ADAMTS19: variants seen among roughly 807,000 people sequenced by gnomAD.
ADAMTS19 encodes A disintegrin and metalloproteinase with thrombospondin motifs 19.
In ADAMTS19, 93 loss-of-function variants were observed where a neutral mutation model predicts 153.3. The ratio of observed to expected loss-of-function variants is 0.61; its 90% confidence interval spans 0.51 to 0.72. The LOEUF (loss-of-function observed/expected upper bound fraction) is 0.72. Among genes scored for constraint, ADAMTS19 ranks in the 30% least tolerant of loss-of-function variants. The pLI, the probability that ADAMTS19 is intolerant of heterozygous loss-of-function variation, is 0.00. For synonymous variants in ADAMTS19, 600 were observed against 556.6 expected (o/e 1.08, Z -1.10); for missense variants, 1,482 against 1,552.1 (o/e 0.95, Z 0.76).
At chr5:129,516,069 T>C (rs114487986) in intron 3 of ADAMTS19, among the ~76,000 whole-genome samples, 390 of 151,998 alleles carry the variant, frequency 2.6e-3, no homozygotes, top group Non-Finnish European at 4.8e-3. Context: ...TTCATTCTAT[T>C]TATAAGATGT....
chr5:129,732,071 C>A (rs1757464496), intron 21 of ADAMTS19, among the ~76,000 whole-genome samples: 1 of 152,014 alleles, frequency 6.6e-6, no homozygotes, highest in Non-Finnish European at 1.5e-5. Flanking sequence ...ATGTATGAAA[C>A]CAAGAGACTT....
Position 129,648,856 on chromosome 5 carries a change from A to T in ADAMTS19, c.2062A>T (p.Asn688Tyr). The T allele has an allele frequency of 6.2e-7, 1 of 1,613,960 alleles. No homozygotes were observed. The highest frequency in any genetic ancestry group is 8.5e-7 in the Non-Finnish European group (1 of 1,179,942). ...GPRKQYRICE[N>Y]PPCPAGLPGF... ...CAGAAAACAATACAGAATATGTGAG[A>T]ATCCACCTTGTCCTGCAGGTTTGCC... The change falls in exon 13 of 23, where the codon AAT becomes TAT. Residue 688 changes from asparagine to tyrosine, a missense_variant. Coordinates refer to ENST00000274487, the MANE Select transcript of ADAMTS19 (RefSeq NM_133638.6).
At chr5:129,478,284 A>G (rs1750292087) in intron 2 of ADAMTS19, among the ~76,000 whole-genome samples, 1 of 152,206 alleles carries the variant, frequency 6.6e-6, no homozygotes, top group Non-Finnish European at 1.5e-5. Context: ...ATAATAACCT[A>G]GAATTTAGTA....
intron 7 of ADAMTS19, 113 bp from the exon 8 acceptor site, chr5:129,596,446 A>G (rs1331533115): frequency 1.4e-6 from 1 of 724,200 alleles, no homozygotes; most frequent in African/African-American, 1.8e-5. Flanking sequence ...TTCACAGATT[A>G]ATACTGACAT....
At chr5:129,494,736 G>A (rs1221706302) in intron 2 of ADAMTS19, among the ~76,000 whole-genome samples, 4 of 152,030 alleles carry the variant, frequency 2.6e-5, no homozygotes, top group Non-Finnish European at 5.9e-5. Context: ...ATTATCGATG[G>A]CCATATTGAC....
At position 129,622,332 on chromosome 5, in the gene ADAMTS19, T is replaced by C; in HGVS notation, c.1754T>C (p.Phe585Ser). The C allele has an allele frequency of 1.9e-6, 3 of 1,614,050 alleles. No individual in the cohort carries two copies. Among genetic ancestry groups the C allele is most frequent in the Non-Finnish European group, 2.5e-6 (3 of 1,179,974 alleles). ...ATCCTTTTTGGGCCATTGGCTTCTT[T>C]TTGTCAGGAGATGCAGGTAAAGATC... is the stretch of plus-strand genomic sequence containing the variant. ...CQILFGPLAS[F>S]CQEMQHVICT... The change falls in exon 10 of 23, where the codon TTT becomes TCT. Residue 585 changes from phenylalanine (F) to serine (S), a missense_variant. Phe to Ser is a radical substitution (Grantham distance 155). Around this residue, in one of 2 missense-constraint regions of ADAMTS19, gnomAD observed 866 missense variants for 827.7 expected, o/e 1.05. Coordinates refer to ENST00000274487, the MANE Select transcript of ADAMTS19 (RefSeq NM_133638.6).
chr5:129,526,772 T>C lies in ADAMTS19; in HGVS notation c.1086+316T>C, dbSNP rs557072032. 3.3e-5 allele frequency among the ~76,000 whole-genome samples: 5 copies of C among 151,864 alleles called. No individual in the cohort carries two copies. In the East Asian group the frequency reaches 9.6e-4, roughly 29 times the overall value. ...TTCTAGCCCCATTTTATGTATGTAT[T>C]TATGTCTGTCTGTATGTATGCATGT... On this transcript the variant is annotated intron_variant, in intron 4 of 22. Transcript: ENST00000274487.
At chr5:129,534,110 T>C (rs1752317415) in intron 6 of ADAMTS19, among the ~76,000 whole-genome samples, 1 of 152,152 alleles carries the variant, frequency 6.6e-6, no homozygotes, top group Non-Finnish European at 1.5e-5. Flanking sequence ...GTCTATTAGG[T>C]CTGCTTGGTA....
chr5:129,567,779 C>G (rs76898308), intron 7 of ADAMTS19, among the ~76,000 whole-genome samples: 1 of 151,888 alleles, frequency 6.6e-6, no homozygotes, highest in Non-Finnish European at 1.5e-5. Context: ...GAAGACTTCT[C>G]ACATTTGGAA....
chr5:129,598,115 G>A (rs1246037309), intron 8 of ADAMTS19, among the ~76,000 whole-genome samples: 1 of 152,062 alleles, frequency 6.6e-6, no homozygotes, highest in Non-Finnish European at 1.5e-5. Context: ...GGCCTTCAGT[G>A]TTTAAAAAAT....
chr5:129,691,619 TA>T (rs1755341561), intron 18 of ADAMTS19, among the ~76,000 whole-genome samples: 1 of 152,204 alleles, frequency 6.6e-6, no homozygotes, highest in Non-Finnish European at 1.5e-5. Context: ...AGTTTTTTTC[TA>T]ATTCTATTGT....
intron 21 of ADAMTS19, among the ~76,000 whole-genome samples, chr5:129,724,024 G>A (rs1397919167): frequency 6.6e-6 from 1 of 152,196 alleles, no homozygotes; most frequent in African/African-American, 2.4e-5. Flanking sequence ...AGGGGTTGCG[G>A]AGACCACTGT....
At chr5:129,482,616 A>G (rs577908970) in intron 2 of ADAMTS19, among the ~76,000 whole-genome samples, 1 of 152,354 alleles carries the variant, frequency 6.6e-6, no homozygotes, top group African/African-American at 2.4e-5. Flanking sequence ...ATGAGTTATC[A>G]TACATGTTTG....
chr5:129,561,234 TA>T (rs922045713), intron 7 of ADAMTS19, among the ~76,000 whole-genome samples: 13 of 152,222 alleles, frequency 8.5e-5, no homozygotes, highest in African/African-American at 2.9e-4. Context: ...ATTTCATATC[TA>T]CTTCTGCATG....
chr5:129,493,431 G>A (rs1750832787), intron 2 of ADAMTS19, among the ~76,000 whole-genome samples: 2 of 123,472 alleles, frequency 1.6e-5, no homozygotes, highest in African/African-American at 7.5e-5. Flanking sequence ...TATACCAAAT[G>A]TTTTCTCAAT....
At chr5:129,700,793 G>T (rs1369696457) in intron 19 of ADAMTS19, among the ~76,000 whole-genome samples, 1 of 151,940 alleles carries the variant, frequency 6.6e-6, no homozygotes, top group Non-Finnish European at 1.5e-5. Context: ...CATGGAAAAA[G>T]TCTGATGGAC....
intron 2 of ADAMTS19, among the ~76,000 whole-genome samples, chr5:129,508,499 C>T (rs186275283): frequency 1.3e-5 from 2 of 152,094 alleles, no homozygotes; most frequent in Admixed American, 1.3e-4. Flanking sequence ...ACTTTTAAAA[C>T]ATGTCACTAT....
Position 129,677,439 on chromosome 5 carries a change from T to C in ADAMTS19, c.2507-2325T>C, listed in dbSNP as rs1754599440. Among the ~76,000 whole-genome samples, 2 of 151,502 alleles carry C rather than the reference T, an allele frequency of 1.3e-5. 1 individual carries two copies. The highest frequency in any genetic ancestry group is 1.3e-4 in the Admixed American group (2 of 15,196). On this transcript the variant is annotated intron_variant, in intron 16 of 22. Coordinates refer to ENST00000274487, the MANE Select transcript of ADAMTS19 (RefSeq NM_133638.6). ...TTGCAGTGAGCTGAGATCGGGCCAC[T>C]GCACTCCAGCCTGGGTGACAGAGTG...
chr5:129,716,970 A>G (rs1190080996), intron 21 of ADAMTS19, among the ~76,000 whole-genome samples: 1 of 152,218 alleles, frequency 6.6e-6, no homozygotes, highest in Non-Finnish European at 1.5e-5. Flanking sequence ...ACGCCTGAGC[A>G]GTTTTTACTT....
Sources: gnomAD v4.1 joint callset for allele counts (sites outside exome capture counted in the v4.1 genomes callset) on GRCh38, gnomAD v4.1.1 for gene constraint, gnomAD v4.1.1 regional missense constraint, MANE v1.5 for transcripts, NCBI Gene and HGNC (gene_info 2026-07-23, HGNC 2026-07-21) for gene names.